The following CNNM2 variants were observed in gnomAD, a reference collection of about 807,000 sequenced individuals.
CNNM2 encodes the protein metal transporter CNNM2.
CNNM2 carries 12 observed loss-of-function variants against 66.9 expected under a neutral mutation model. The observed-to-expected ratio is 0.18, with a 90% CI of 0.11 to 0.29. The LOEUF is 0.29. Ranked by LOEUF, CNNM2 falls within the 10% of genes least tolerant of loss-of-function variation. The pLI is 1.00. For synonymous variants in CNNM2, 557 were observed against 501.8 expected, an observed-to-expected ratio of 1.11 and a Z score of -1.47; for missense variants, 705 against 1,167.7, an observed-to-expected ratio of 0.60 and a Z score of 5.77.
At chr10:103,055,942 G>A (rs1175127813) in intron 3 of CNNM2, among the ~76,000 whole-genome samples, 1 of 152,034 alleles carries the variant, frequency 6.6e-6, no homozygotes, top group Admixed American at 6.6e-5. Flanking sequence ...ACAAAAATTA[G>A]CCAGGCATGG....
Position 102,919,403 on chromosome 10 carries a change from T to C in CNNM2, c.923T>C (p.Val308Ala). Reference protein sequence around the residue: ...EKNYAKRIEPVRRQGNYLLCS... With the variant: ...EKNYAKRIEPARRQGNYLLCS... ...AATTACGCCAAGCGCATCGAGCCGG[T>C]GCGCAGGCAGGGCAACTACCTGCTG... The change falls in exon 1 of 8, where the codon GTG becomes GCG. Residue 308 changes from valine (V) to alanine (A), a missense_variant. Around this residue, in one of 9 missense-constraint regions of CNNM2, gnomAD observed 49 missense variants for 183.7 expected, o/e 0.27. Transcript: ENST00000369878. The C allele has an allele frequency of 1.2e-6, 2 of 1,611,704 alleles. No homozygotes were observed. Among genetic ancestry groups the C allele is most frequent in the Non-Finnish European group, 8.5e-7 (1 of 1,180,020 alleles).
intron 1 of CNNM2, among the ~76,000 whole-genome samples, chr10:103,009,517 C>T (rs2064295290): frequency 6.6e-6 from 1 of 151,732 alleles, no homozygotes; most frequent in African/African-American, 2.4e-5. Flanking sequence ...CACCGTGAGA[C>T]ACTTGTCTAC....
rs554493730 is a variant in CNNM2, at chr10:103,068,049, C to T, written c.2074-580C>T. Among the ~76,000 whole-genome samples the T allele has an allele frequency of 7.9e-5, 12 of 152,320 alleles. No individual in the cohort carries two copies. The East Asian group carries it at 2.3e-3, about 29-fold the overall frequency. On this transcript the variant is annotated intron_variant, in intron 4 of 7. Coordinates refer to ENST00000369878, the MANE Select transcript of CNNM2 (RefSeq NM_017649.5). ...GTCGGCCCTTGACCCTGATTCAGCC[C>T]CGGCCCTGGCTCCTTGGACAGCCTA...
At chr10:103,049,131 C>T (rs2065176497) in intron 1 of CNNM2, among the ~76,000 whole-genome samples, 1 of 152,176 alleles carries the variant, frequency 6.6e-6, no homozygotes, top group Non-Finnish European at 1.5e-5. Flanking sequence ...CAAGAGTGAG[C>T]CATCGCTCCC....
chr10:102,927,430 TG>T (rs764768680), intron 1 of CNNM2: 1 of 1,612,298 alleles, frequency 6.2e-7, no homozygotes, highest in South Asian at 1.1e-5. Flanking sequence ...TCACAGACAT[TG>T]GCAACTCTAG....
chr10:103,070,095 G>C lies in CNNM2; in HGVS notation c.2167+1373G>C, dbSNP rs1383499734. Among the ~76,000 whole-genome samples, 3 of 152,174 alleles carry C rather than the reference G, an allele frequency of 2.0e-5. No individual in the cohort carries two copies. In the South Asian group the frequency reaches 6.2e-4, roughly 31 times the overall value. On this transcript the variant is annotated intron_variant, in intron 5 of 7. Coordinates refer to ENST00000369878, the MANE Select transcript of CNNM2 (RefSeq NM_017649.5). ...TCTCACTATCCTTGTGCAGGTGTTT[G>C]AGTCCTGGAGGCACAGTGTCCCCAC...
chr10:102,965,439 C>T (rs554551698), intron 1 of CNNM2, among the ~76,000 whole-genome samples: 5 of 152,268 alleles, frequency 3.3e-5, no homozygotes, highest in Admixed American at 1.3e-4. Context: ...AGTTTTTCCC[C>T]GGCTGTCGTT....
intron 1 of CNNM2, among the ~76,000 whole-genome samples, chr10:103,023,874 T>A (rs2064644023): frequency 6.6e-6 from 1 of 152,246 alleles, no homozygotes; most frequent in Non-Finnish European, 1.5e-5. Context: ...GAGACTAGTA[T>A]AATGAATATA....
At chr10:102,950,965 G>A (rs959228650) in intron 1 of CNNM2, among the ~76,000 whole-genome samples, 5 of 149,256 alleles carry the variant, frequency 3.3e-5, no homozygotes, top group African/African-American at 1.2e-4. Context: ...GGGGGCAATA[G>A]GAATTCTTTC....
chr10:102,979,506 T>C (rs2063687385), intron 1 of CNNM2, among the ~76,000 whole-genome samples: 1 of 152,238 alleles, frequency 6.6e-6, no homozygotes, highest in Admixed American at 6.5e-5. Context: ...TCTTTTCATC[T>C]CTGTCCCTTT....
At chr10:102,939,348 C>A (rs1178726832) in intron 1 of CNNM2, among the ~76,000 whole-genome samples, 1 of 152,192 alleles carries the variant, frequency 6.6e-6, no homozygotes, top group Non-Finnish European at 1.5e-5. Flanking sequence ...TAGTTACTTC[C>A]TTTTCCTTGC....
intron 1 of CNNM2, among the ~76,000 whole-genome samples, chr10:103,008,156 A>T (rs55682115): frequency 6.7e-6 from 1 of 149,922 alleles, no homozygotes; most frequent in Non-Finnish European, 1.5e-5. Context: ...TTTTTTTTTT[A>T]AACCAGTTTC....
intron 1 of CNNM2, among the ~76,000 whole-genome samples, chr10:102,943,003 T>A (rs890505716): frequency 2.0e-5 from 3 of 152,108 alleles, no homozygotes; most frequent in South Asian, 2.1e-4. Flanking sequence ...TGGGGGTGGA[T>A]CACCTGAGGT....
At chr10:103,026,525 C>T (rs1390901332) in intron 1 of CNNM2, among the ~76,000 whole-genome samples, 1 of 145,110 alleles carries the variant, frequency 6.9e-6, no homozygotes, top group Non-Finnish European at 1.5e-5. Context: ...TGCTGGAGCC[C>T]AGGAGGTCAA....
chr10:103,027,873 A>G (rs2064737393), intron 1 of CNNM2, among the ~76,000 whole-genome samples: 1 of 152,222 alleles, frequency 6.6e-6, no homozygotes, highest in Admixed American at 6.5e-5. Context: ...TATAGTAAAC[A>G]TAGGGTATAT....
At chr10:102,956,037 C>T (rs1481725408) in intron 1 of CNNM2, among the ~76,000 whole-genome samples, 2 of 152,190 alleles carry the variant, frequency 1.3e-5, no homozygotes, top group Non-Finnish European at 1.5e-5. Context: ...CCTGTAATCC[C>T]AGCACTTTGG....
At chr10:102,923,880 A>G (rs1335067365) in intron 1 of CNNM2, among the ~76,000 whole-genome samples, 2 of 152,110 alleles carry the variant, frequency 1.3e-5, no homozygotes, top group Admixed American at 6.5e-5. Context: ...ATGTTTCACT[A>G]TTGGTTTCTT....
At position 103,076,973 on chromosome 10, in the gene CNNM2, C is replaced by A. The variant is rs546554240; in HGVS notation, c.2421C>A (p.Ile807=). The A allele has an allele frequency of 2.8e-5, 45 of 1,613,482 alleles. No homozygotes were observed. The Middle Eastern group carries it at 4.9e-4, about 18-fold the overall frequency. ...RALSDLQFVK[I]SRQQYQNALM... ...TCTGTGCCATCTTCTGGCCCCAGAT[C>A]TCAAGACAGCAATACCAAAATGCCT... Residue 807 remains isoleucine (I), a splice_region_variant and synonymous_variant, in exon 8 of 8, where the codon ATC becomes ATA. Transcript: ENST00000369878.
At chr10:102,941,883 C>T (rs1252403791) in intron 1 of CNNM2, among the ~76,000 whole-genome samples, 1 of 152,196 alleles carries the variant, frequency 6.6e-6, no homozygotes, top group Admixed American at 6.5e-5. Flanking sequence ...GGGCCCACAG[C>T]AGGGCCTGGC....
Sources: gnomAD v4.1 joint callset for allele counts (sites outside exome capture counted in the v4.1 genomes callset) on GRCh38, gnomAD v4.1.1 for gene constraint, gnomAD v4.1.1 regional missense constraint, MANE v1.5 for transcripts, NCBI Gene and HGNC (gene_info 2026-07-23, HGNC 2026-07-21) for gene names.